Variants in OPA1 observed in about 807,000 individuals in gnomAD.
The protein encoded by OPA1 is OPA1 mitochondrial dynamin like GTPase.
In OPA1, 59 loss-of-function variants were observed where a neutral mutation model predicts 152.9. That is an observed-to-expected ratio of 0.39 (90% CI 0.31 to 0.48). The LOEUF is 0.48. OPA1 is among the 20% of genes least tolerant of loss of function. The pLI is 0.96. For missense variants in OPA1, 1,008 were observed against 1,216.8 expected (o/e 0.83, Z 2.55); for synonymous variants, 400 against 389.9 (o/e 1.03, Z -0.31).
At chr3:193,679,117 C>CAA (rs1395864237) in intron 29 of OPA1, among the ~76,000 whole-genome samples, 1 of 152,102 alleles carries the variant, frequency 6.6e-6, no homozygotes, top group African/African-American at 2.4e-5. Context: ...ACAGCATACG[C>CAA]CAGGGCCTGT....
At chr3:193,602,057 A>G (rs1186661869) in intron 1 of OPA1, among the ~76,000 whole-genome samples, 1 of 152,234 alleles carries the variant, frequency 6.6e-6, no homozygotes, top group Non-Finnish European at 1.5e-5. Context: ...GGAAAAAAAT[A>G]AGGAAAACAG....
intron 1 of OPA1, among the ~76,000 whole-genome samples, chr3:193,596,282 T>C (rs1308954225): frequency 1.4e-5 from 2 of 147,810 alleles, no homozygotes; most frequent in South Asian, 2.1e-4. Flanking sequence ...TTTTTTAATA[T>C]TGGCCATCGC....
At chr3:193,598,420 G>C (rs1241352144) in intron 1 of OPA1, among the ~76,000 whole-genome samples, 1 of 152,190 alleles carries the variant, frequency 6.6e-6, no homozygotes, top group Non-Finnish European at 1.5e-5. Flanking sequence ...GAATTGCTAA[G>C]AGAGATGAAG....
intron 17 of OPA1, 49 bp from the exon 18 acceptor site, chr3:193,645,679 A>C: frequency 6.2e-7 from 1 of 1,607,174 alleles, no homozygotes; most frequent in Non-Finnish European, 8.5e-7. Context: ...GTTTTCAAAT[A>C]ATAAAGAGTA....
At chr3:193,670,818 C>T (rs570668791) in intron 29 of OPA1, among the ~76,000 whole-genome samples, 1 of 152,278 alleles carries the variant, frequency 6.6e-6, no homozygotes, top group African/African-American at 2.4e-5. Flanking sequence ...ATGATTTTGT[C>T]TCAGGAGAGG....
At chr3:193,617,423 TAAACAC>T (rs1015710766) in intron 4 of OPA1, 138 bp downstream of exon 4, 8 of 657,996 alleles carry the variant, frequency 1.2e-5, no homozygotes, top group African/African-American at 3.7e-5. Flanking sequence ...TTTAAAAAGA[TAAACAC>T]AAAGTTTTGT....
intron 1 of OPA1, among the ~76,000 whole-genome samples, chr3:193,598,596 C>T (rs992053289): frequency 1.3e-5 from 2 of 151,940 alleles, no homozygotes; most frequent in African/African-American, 2.4e-5. Context: ...AGTCAGAGGA[C>T]GAGGGAGTTT....
Position 193,619,082 on chromosome 3 carries a change from A to G in OPA1, c.678+146A>G. ...AGATATCGTTACTAATCTTAGTGCA[A>G]AGTACAAGGTATTACGTGGCAGTTC... On this transcript the variant is annotated intron_variant, in intron 6 of 30. Transcript: ENST00000361510. 4.3e-6 allele frequency: 3 copies of G among 705,202 alleles called. No individual in the cohort carries two copies. The South Asian group carries it at 4.7e-5, about 11-fold the overall frequency. The allele number at this position is 705,202 out of a possible 1,614,324, so 43.7% of individuals were successfully genotyped here. A position where few individuals can be genotyped will look rare whatever the true frequency, so the allele number is the denominator to read the frequency against.
intron 22 of OPA1, among the ~76,000 whole-genome samples, chr3:193,656,778 G>A (rs1030813762): frequency 5.3e-5 from 8 of 152,114 alleles, no homozygotes; most frequent in Admixed American, 1.3e-4. Context: ...AAGAGAAGCC[G>A]TAAATGCAGA....
chr3:193,685,204 AG>A (rs1461768081), intron 29 of OPA1, among the ~76,000 whole-genome samples: 1 of 151,948 alleles, frequency 6.6e-6, no homozygotes, highest in African/African-American at 2.4e-5. Flanking sequence ...CCGGAGGCTG[AG>A]GCAGAAGAAT....
At chr3:193,662,014 C>CA (rs542497976) in intron 25 of OPA1, among the ~76,000 whole-genome samples, 101 of 146,340 alleles carry the variant, frequency 6.9e-4, no homozygotes, top group African/African-American at 1.7e-3. Context: ...GAGTTTGGGG[C>CA]AAAAAAAAAC....
intron 25 of OPA1, 63 bp from the exon 26 acceptor site, chr3:193,662,759 A>C: frequency 1.5e-6 from 2 of 1,345,210 alleles, no homozygotes; most frequent in Non-Finnish European, 2.1e-6. Flanking sequence ...TAAAATTGAG[A>C]CTGTTTTTCA....
intron 6 of OPA1, chr3:193,619,748 A>T (rs1729701389): frequency 6.6e-6 from 1 of 152,194 alleles, no homozygotes; most frequent in African/African-American, 2.4e-5. Flanking sequence ...GTAATATGGA[A>T]CATGTAATTT....
intron 29 of OPA1, among the ~76,000 whole-genome samples, chr3:193,676,853 C>G (rs180947473): frequency 1.3e-5 from 2 of 151,842 alleles, no homozygotes; most frequent in Non-Finnish European, 2.9e-5. Flanking sequence ...TGGTGGCGGG[C>G]GCCTGTAGTC....
intron 29 of OPA1, chr3:193,691,495 T>C (rs1721679114): frequency 6.6e-6 from 1 of 152,242 alleles, no homozygotes; most frequent in South Asian, 2.1e-4. Flanking sequence ...GCACTTCTCA[T>C]GTTTGTTGCA....
chr3:193,691,058 T>C (rs6785956), intron 29 of OPA1, among the ~76,000 whole-genome samples: 57,255 of 151,742 alleles, frequency 0.38, 11,262 homozygotes, highest in African/African-American at 0.49. Context: ...CACAAAAAAA[T>C]TAAAAATAAA....
In OPA1 at chr3:193,657,173, G is replaced by T; in HGVS notation, c.2272G>T (p.Ala758Ser). ...TGACATATTTGATAAACTTAAAGAG[G>T]CTGTTAAGGAAGAAAGTATTAAACG... is the stretch of plus-strand genomic sequence containing the variant. Reference protein sequence around the residue: ...HDDIFDKLKEAVKEESIKRHK... With the variant: ...HDDIFDKLKESVKEESIKRHK... The change falls in exon 23 of 31, where the codon GCT (alanine) becomes TCT (serine). Residue 758 changes from alanine (A) to serine (S), a missense_variant. Transcript: ENST00000361510. 1 of 1,613,884 alleles carries T rather than the reference G, an allele frequency of 6.2e-7. No individual in the cohort carries two copies. The highest frequency in any genetic ancestry group is 8.5e-7 in the Non-Finnish European group (1 of 1,179,894).
At chr3:193,637,141 AT>A (rs1367954961) in intron 9 of OPA1, 53 bp from the exon 10 acceptor site, 48 of 963,976 alleles carry the variant, frequency 5.0e-5, no homozygotes, top group African/African-American at 1.8e-4. Context: ...CATCTGTTAT[AT>A]TTTTTTCTTT....
intron 1 of OPA1, among the ~76,000 whole-genome samples, chr3:193,611,942 A>G (rs1728315770): frequency 6.6e-6 from 1 of 151,858 alleles, no homozygotes; most frequent in African/African-American, 2.4e-5. Context: ...TTTTCTAGCT[A>G]TTTTTGGTCC....
Sources: gnomAD v4.1 joint callset for allele counts (sites outside exome capture counted in the v4.1 genomes callset) on GRCh38, gnomAD v4.1.1 for gene constraint, MANE v1.5 for transcripts, NCBI Gene and HGNC (gene_info 2026-07-23, HGNC 2026-07-21) for gene names.